Variants in GPR155 observed in about 807,000 individuals in gnomAD.
GPR155 encodes lysosomal cholesterol signaling protein.
In GPR155, 65 loss-of-function variants were observed where a neutral mutation model predicts 93.1. The ratio of observed to expected loss-of-function variants is 0.70; its 90% CI spans 0.57 to 0.86. GPR155 has a LOEUF of 0.86. Ranked by LOEUF, GPR155 falls within the 40% of genes least tolerant of loss-of-function variation. The pLI, the probability that GPR155 is intolerant of heterozygous loss-of-function variation, is 0.00. For synonymous variants in GPR155, 319 were observed against 360.1 expected, an observed-to-expected ratio of 0.89 and a Z score of 1.29; for missense variants, 838 against 1,034.8, an observed-to-expected ratio of 0.81 and a Z score of 2.61.
At chr2:174,448,998 G>A (rs1048079001) in intron 11 of GPR155, among the ~76,000 whole-genome samples, 10 of 152,052 alleles carry the variant, frequency 6.6e-5, no homozygotes, top group African/African-American at 1.7e-4. Context: ...ATCTAACAAG[G>A]CCTAATATCC....
chr2:174,476,493 A>G (rs1688170161), intron 2 of GPR155, among the ~76,000 whole-genome samples: 1 of 152,184 alleles, frequency 6.6e-6, no homozygotes, highest in Non-Finnish European at 1.5e-5. Flanking sequence ...AGTCCCAGCT[A>G]CTTGGGAGGC....
chr2:174,445,237 C>A, intron 12 of GPR155, 61 bp from the exon 13 acceptor site: 1 of 813,822 alleles, frequency 1.2e-6, no homozygotes, highest in South Asian at 1.4e-5. Context: ...CCTCTCCATC[C>A]ACAGCATAGT....
intron 11 of GPR155, among the ~76,000 whole-genome samples, chr2:174,452,624 C>G (rs1687354364): frequency 6.6e-6 from 1 of 151,672 alleles, no homozygotes; most frequent in Admixed American, 6.6e-5. Context: ...AAATGTAATT[C>G]AGCCTCTTAG....
chr2:174,460,457 C>T (rs1574717658), intron 9 of GPR155, among the ~76,000 whole-genome samples: 1 of 152,126 alleles, frequency 6.6e-6, no homozygotes, highest in East Asian at 1.9e-4. Context: ...CCACCGCACC[C>T]AGCCATCTTA....
chr2:174,459,017 G>A (rs1223402911), intron 10 of GPR155, among the ~76,000 whole-genome samples: 1 of 152,124 alleles, frequency 6.6e-6, no homozygotes, highest in African/African-American at 2.4e-5. Context: ...GAACCCAGGA[G>A]GTAGAGGTTA....
chr2:174,436,380 G>C lies in GPR155; in HGVS notation c.2349C>G (p.Gly783=), dbSNP rs746824649. The C allele has an allele frequency of 6.2e-7, 1 of 1,614,146 alleles. No individual in the cohort carries two copies. The highest frequency in any genetic ancestry group is 1.1e-5 in the South Asian group (1 of 91,086). ...CAATTAGCCAGCTCACCAGGTCACAGCCACAGAAAGTTCCAGCAGAAGTCT... is the reference window on the plus strand; with the variant it reads ...CAATTAGCCAGCTCACCAGGTCACACCCACAGAAAGTTCCAGCAGAAGTCT... ...GAKTSAGTFC[G]CDLVSWLIEV... The change falls in exon 16 of 16, where the codon GGC becomes GGG. Residue 783 remains glycine, a synonymous_variant. Coordinates refer to ENST00000392552, the MANE Select transcript of GPR155 (RefSeq NM_152529.7).
At chr2:174,473,580 C>T (rs1202001206) in intron 2 of GPR155, among the ~76,000 whole-genome samples, 1 of 152,078 alleles carries the variant, frequency 6.6e-6, no homozygotes, top group East Asian at 1.9e-4. Context: ...ACCAAGTTTA[C>T]ACATTATTTT....
intron 1 of GPR155, among the ~76,000 whole-genome samples, chr2:174,482,670 C>A (rs1688360768): frequency 6.6e-6 from 1 of 152,144 alleles, no homozygotes; most frequent in South Asian, 2.1e-4. Context: ...TGCCACCACG[C>A]CCGGCTAATT....
At chr2:174,459,680 A>G in intron 10 of GPR155, among the ~76,000 whole-genome samples, 198 bp downstream of exon 10, 1 of 152,160 alleles carries the variant, frequency 6.6e-6, no homozygotes, top group East Asian at 1.9e-4. Context: ...CCCCATCTCT[A>G]CTAAAAATAC....
At chr2:174,467,332 T>G (rs951726128) in intron 5 of GPR155, among the ~76,000 whole-genome samples, 1 of 152,078 alleles carries the variant, frequency 6.6e-6, no homozygotes, top group African/African-American at 2.4e-5. Flanking sequence ...AAACCCCACC[T>G]CTACTGGGTG....
Position 174,461,386 on chromosome 2 carries a change from A to T in GPR155, c.1560+16T>A. 6.6e-7 allele frequency: 1 copy of T among 1,521,084 alleles called. No homozygotes were observed. Among genetic ancestry groups the T allele is most frequent in the Non-Finnish European group, 9.1e-7 (1 of 1,095,594 alleles). The allele number at this position is 1,521,084 out of a possible 1,614,324, so 94.2% of individuals were successfully genotyped here. ...AGACATTCTCAAGAACAGAACTGCCAGTAAACTCTTCCCACCTGTTCTTTT... is the reference window on the plus strand; with the variant it reads ...AGACATTCTCAAGAACAGAACTGCCTGTAAACTCTTCCCACCTGTTCTTTT... On this transcript the variant is annotated intron_variant, in intron 9 of 15. Coordinates refer to ENST00000392552, the MANE Select transcript of GPR155 (RefSeq NM_152529.7).
chr2:174,438,464 G>A (rs543985155), intron 15 of GPR155, among the ~76,000 whole-genome samples: 2 of 152,278 alleles, frequency 1.3e-5, no homozygotes, highest in South Asian at 2.1e-4. Context: ...GAGCTAACCC[G>A]GAGTTCTCTT....
intron 15 of GPR155, among the ~76,000 whole-genome samples, chr2:174,439,553 T>C (rs987515096): frequency 2.6e-5 from 4 of 152,142 alleles, no homozygotes; most frequent in Non-Finnish European, 5.9e-5. Context: ...CACTTCTAAA[T>C]CCAATGTATC....
At chr2:174,461,202 G>T (rs1687682417) in intron 9 of GPR155, among the ~76,000 whole-genome samples, 200 bp downstream of exon 9, 1 of 152,166 alleles carries the variant, frequency 6.6e-6, no homozygotes. Context: ...TAAGCATTTA[G>T]AAATCTTCAG....
chr2:174,480,452 G>T (rs1688286544), intron 2 of GPR155, among the ~76,000 whole-genome samples: 1 of 152,046 alleles, frequency 6.6e-6, no homozygotes, highest in Non-Finnish European at 1.5e-5. Context: ...CCTCATACTT[G>T]ATAGATGATC....
intron 4 of GPR155, 94 bp from the exon 5 acceptor site, chr2:174,469,161 AAAAAT>A: frequency 9.7e-7 from 1 of 1,035,524 alleles, no homozygotes; most frequent in Non-Finnish European, 1.4e-6. Context: ...ATTCTAAAAT[AAAAAT>A]GAGACACAGT....
At position 174,448,565 on chromosome 2, in the gene GPR155, C is replaced by T. The variant is rs1429023936; in HGVS notation, c.1877-1818G>A. ...TTTTTTTTTGAGACGGAGTCTCGCT[C>T]TGTCGCCCAGGCCGGACTGCGGACT... On this transcript the variant is annotated intron_variant, in intron 11 of 15. Transcript: ENST00000392552. 8.5e-5 allele frequency among the ~76,000 whole-genome samples: 11 copies of T among 129,402 alleles called. No individual in the cohort carries two copies. In the East Asian group the frequency reaches 2.9e-3, roughly 35 times the overall value. The allele number at this position is 129,402 out of a possible 152,430, so 84.9% of individuals were successfully genotyped here. A position where few individuals can be genotyped will look rare whatever the true frequency, so the allele number is the denominator to read the frequency against.
Position 174,453,772 on chromosome 2 carries a change from C to T in GPR155, c.1841G>A (p.Ser614Asn). The T allele has an allele frequency of 6.2e-7, 1 of 1,611,694 alleles. No individual in the cohort carries two copies. Among genetic ancestry groups the T allele is most frequent in the Non-Finnish European group, 8.5e-7 (1 of 1,178,338 alleles). ...CPSIEPIANT[S>N]TSEPVIPSFE... ...CGAAGGAATCACAGGCTCACTGGTGCTTGTGTTTGCTATTGGCTCTATTGA... is the reference window on the plus strand; with the variant it reads ...CGAAGGAATCACAGGCTCACTGGTGTTTGTGTTTGCTATTGGCTCTATTGA... The change falls in exon 11 of 16, where the codon AGC becomes AAC. Residue 614 changes from serine to asparagine, a missense_variant. Coordinates refer to ENST00000392552, the MANE Select transcript of GPR155 (RefSeq NM_152529.7).
At chr2:174,481,177 A>T in intron 2 of GPR155, among the ~76,000 whole-genome samples, 1 of 152,232 alleles carries the variant, frequency 6.6e-6, no homozygotes, top group East Asian at 1.9e-4. Flanking sequence ...ATAGACATAA[A>T]TCTACTTTTT....
Sources: gnomAD v4.1 joint callset for allele counts (sites outside exome capture counted in the v4.1 genomes callset) on GRCh38, gnomAD v4.1.1 for gene constraint, MANE v1.5 for transcripts, NCBI Gene and HGNC (gene_info 2026-07-23, HGNC 2026-07-21) for gene names.